CNNM2: variants seen among roughly 807,000 people sequenced by gnomAD.
CNNM2 encodes the protein metal transporter CNNM2.
A neutral mutation model predicts 66.9 loss-of-function variants in CNNM2; 12 were observed. The observed-to-expected ratio is 0.18, with a 90% CI of 0.11 to 0.29. The LOEUF (loss-of-function observed/expected upper bound fraction) is 0.29. Ranked by LOEUF, CNNM2 falls within the 10% of genes least tolerant of loss-of-function variation. CNNM2 has a pLI of 1.00. For synonymous variants in CNNM2, 557 were observed against 501.8 expected (o/e 1.11, Z -1.47); for missense variants, 705 against 1,167.7 (o/e 0.60, Z 5.77).
chr10:103,021,451 G>A (rs2064578064), intron 1 of CNNM2, among the ~76,000 whole-genome samples: 1 of 152,176 alleles, frequency 6.6e-6, no homozygotes, highest in Admixed American at 6.5e-5. Context: ...GCTTCTTGTG[G>A]TGAGTCGATG....
At chr10:103,041,785 T>TC (rs1473587759) in intron 1 of CNNM2, among the ~76,000 whole-genome samples, 1 of 152,022 alleles carries the variant, frequency 6.6e-6, no homozygotes, top group Non-Finnish European at 1.5e-5. Flanking sequence ...TTCCCTTTAT[T>TC]CCCCCCTCCC....
At chr10:102,953,743 T>G (rs1590301936) in intron 1 of CNNM2, among the ~76,000 whole-genome samples, 1 of 151,740 alleles carries the variant, frequency 6.6e-6, no homozygotes, top group African/African-American at 2.4e-5. Flanking sequence ...GTATTTCTGG[T>G]AGAGACTGGG....
rs1342368829 is a variant in CNNM2, at chr10:103,042,683, G to A, written c.1622-7024G>A. Among the ~76,000 whole-genome samples, 15 of 152,188 alleles carry A rather than the reference G, an allele frequency of 9.9e-5. 1 individual carries two copies. Among genetic ancestry groups the A allele is most frequent in the Non-Finnish European group, 2.9e-5 (2 of 68,000 alleles). On this transcript the variant is annotated intron_variant, in intron 1 of 7. Coordinates refer to ENST00000369878, the MANE Select transcript of CNNM2 (RefSeq NM_017649.5). ...GTTCATTCATAGCCCGGATTTTATG[G>A]CTTATATATTATGTTCATATACATT...
intron 1 of CNNM2, among the ~76,000 whole-genome samples, chr10:102,989,219 G>A (rs891879650): frequency 1.3e-5 from 2 of 152,186 alleles, no homozygotes; most frequent in Non-Finnish European, 2.9e-5. Context: ...GTCAGGATGA[G>A]CAGGGGAAAC....
intron 1 of CNNM2, among the ~76,000 whole-genome samples, chr10:103,018,972 A>AAG (rs2064512494): frequency 6.7e-6 from 1 of 149,150 alleles, no homozygotes; most frequent in Non-Finnish European, 1.5e-5. Flanking sequence ...CTCCTTTCTT[A>AAG]AAAGGATATT....
Position 103,082,063 on chromosome 10 carries a change from A to G in CNNM2, c.*4883A>G, listed in dbSNP as rs2065762591. ...CAAAGGTTCTAGCTGCAAGAGAGTA[A>G]AGTTCTAGGTGTTTGTATGCCAAGG... On this transcript the variant is annotated 3_prime_UTR_variant, in exon 8 of 8. Transcript: ENST00000369878. The G allele has an allele frequency of 6.6e-6, 1 of 152,198 alleles. No individual in the cohort carries two copies. The highest frequency in any genetic ancestry group is 1.9e-4 in the East Asian group (1 of 5,202). 9.4% of individuals were successfully genotyped at this position (152,198 alleles called of 1,614,324 possible).
intron 1 of CNNM2, among the ~76,000 whole-genome samples, chr10:102,930,901 G>T (rs1434042106): frequency 1.3e-5 from 2 of 152,270 alleles, no homozygotes; most frequent in Non-Finnish European, 1.5e-5. Context: ...CAAATATTCA[G>T]TTTTATAGAT....
At chr10:102,974,598 G>A (rs1005710674) in intron 1 of CNNM2, among the ~76,000 whole-genome samples, 7 of 151,970 alleles carry the variant, frequency 4.6e-5, no homozygotes, top group Non-Finnish European at 8.8e-5. Flanking sequence ...TTGAGACAGG[G>A]TCTTGCCCTG....
At chr10:102,970,840 A>G (rs1356640325) in intron 1 of CNNM2, among the ~76,000 whole-genome samples, 2 of 152,166 alleles carry the variant, frequency 1.3e-5, no homozygotes, top group South Asian at 2.1e-4. Flanking sequence ...GAAGAGACTT[A>G]TTGAAAGATT....
At chr10:103,011,348 G>A (rs2064339103) in intron 1 of CNNM2, among the ~76,000 whole-genome samples, 1 of 152,128 alleles carries the variant, frequency 6.6e-6, no homozygotes, top group South Asian at 2.1e-4. Flanking sequence ...AGCTACTCAG[G>A]AGGCTGAGGC....
Position 103,086,397 on chromosome 10 carries a change from TTAAA to T in CNNM2, c.*9220_*9223del, listed in dbSNP as rs1233080011. On this transcript the variant is annotated 3_prime_UTR_variant, in exon 8 of 8. Coordinates refer to ENST00000369878, the MANE Select transcript of CNNM2 (RefSeq NM_017649.5). ...CATTTTTCCCACCATCAAAGACAGA[TTAAA>T]TAGTTTCCATAACATGGAATGTGGG... 3 of 152,166 alleles carry T rather than the reference TTAAA, an allele frequency of 2.0e-5. No homozygotes were observed. Among genetic ancestry groups the T allele is most frequent in the Non-Finnish European group, 4.4e-5 (3 of 68,030 alleles). 9.4% of individuals were successfully genotyped at this position (152,166 alleles called of 1,614,324 possible). A position where few individuals can be genotyped will look rare whatever the true frequency, so the allele number is the denominator to read the frequency against.
At chr10:103,009,927 G>A (rs1332734344) in intron 1 of CNNM2, among the ~76,000 whole-genome samples, 2 of 145,564 alleles carry the variant, frequency 1.4e-5, no homozygotes, top group Admixed American at 7.1e-5. Context: ...TGCAAATGGA[G>A]GAAATTTAAG....
intron 1 of CNNM2, among the ~76,000 whole-genome samples, chr10:102,971,519 A>T (rs995065338): frequency 6.6e-6 from 1 of 152,134 alleles, no homozygotes; most frequent in Non-Finnish European, 1.5e-5. Flanking sequence ...ATTTCCTTTT[A>T]TACCTTTTTC....
At chr10:102,986,720 C>T (rs2063803804) in intron 1 of CNNM2, among the ~76,000 whole-genome samples, 1 of 145,654 alleles carries the variant, frequency 6.9e-6, no homozygotes, top group Admixed American at 7.1e-5. Flanking sequence ...GCGGAGCTTG[C>T]AGTGACCCGA....
intron 1 of CNNM2, among the ~76,000 whole-genome samples, chr10:102,997,092 G>A (rs989675585): frequency 1.3e-5 from 2 of 152,192 alleles, no homozygotes; most frequent in African/African-American, 4.8e-5. Flanking sequence ...AGTAAGGACT[G>A]TCCTAAAGAA....
At position 102,984,521 on chromosome 10, in the gene CNNM2, T is replaced by TG. The variant is rs570914880; in HGVS notation, c.1621+64421dup. 3.3e-5 allele frequency among the ~76,000 whole-genome samples: 5 copies of TG among 152,304 alleles called. No individual in the cohort carries two copies. In the East Asian group the frequency reaches 7.7e-4, roughly 23 times the overall value. On this transcript the variant is annotated intron_variant, in intron 1 of 7. Coordinates refer to ENST00000369878, the MANE Select transcript of CNNM2 (RefSeq NM_017649.5). ...CAGGTCTTCATGTGTATAAGATTCT[T>TG]GCAGGAAAATTTTTTGATGTTACTA... is the stretch of plus-strand genomic sequence containing the variant.
chr10:103,059,927 C>T, intron 4 of CNNM2, among the ~76,000 whole-genome samples: 1 of 151,492 alleles, frequency 6.6e-6, no homozygotes, highest in Non-Finnish European at 1.5e-5. Flanking sequence ...TCGTTTGAGG[C>T]CAGAAGTTTA....
At chr10:102,933,575 C>T (rs1320658910) in intron 1 of CNNM2, among the ~76,000 whole-genome samples, 1 of 151,962 alleles carries the variant, frequency 6.6e-6, no homozygotes, top group Non-Finnish European at 1.5e-5. Flanking sequence ...ACATTTACTT[C>T]TTTAATTTGC....
At position 102,918,605 on chromosome 10, in the gene CNNM2, A is replaced by C. The variant is rs767121961; in HGVS notation, c.125A>C (p.Gln42Pro). ...AGCGCTCGCGGCCGGGGGATCCTGCAGGCGGCTGCGGGGCGGCTGCTGCCG... is the reference window on the plus strand; with the variant it reads ...AGCGCTCGCGGCCGGGGGATCCTGCCGGCGGCTGCGGGGCGGCTGCTGCCG... ...SLSARGRGILQAAAGRLLPLL... is the reference protein window; with the variant it reads ...SLSARGRGILPAAAGRLLPLL... The change falls in exon 1 of 8, where the codon CAG becomes CCG. Residue 42 changes from glutamine to proline, a missense_variant. By Grantham distance (76) the Gln-to-Pro change is moderately conservative. Around this residue, in one of 9 missense-constraint regions of CNNM2, gnomAD observed 98 missense variants for 73.6 expected, o/e 1.33. Coordinates refer to ENST00000369878, the MANE Select transcript of CNNM2 (RefSeq NM_017649.5). The surrounding 1 kb of genome is among the most constrained non-coding windows in gnomAD (Gnocchi z 4.1). 1.3e-6 allele frequency: 2 copies of C among 1,556,826 alleles called. No homozygotes were observed. Among genetic ancestry groups the C allele is most frequent in the Non-Finnish European group, 1.7e-6 (2 of 1,153,380 alleles).
Sources: gnomAD v4.1 joint callset for allele counts (sites outside exome capture counted in the v4.1 genomes callset) on GRCh38, gnomAD v4.1.1 for gene constraint, gnomAD v4.1.1 regional missense constraint, Gnocchi (gnomAD v3.1) non-coding constraint, MANE v1.5 for transcripts, NCBI Gene and HGNC (gene_info 2026-07-23, HGNC 2026-07-21) for gene names.